Variants in RANBP2 observed in about 807,000 individuals in gnomAD.
RANBP2 encodes E3 SUMO-protein ligase RanBP2.
RANBP2 carries 57 observed loss-of-function variants against 303.6 expected under a neutral mutation model. The observed-to-expected ratio is 0.19, with a 90% CI of 0.15 to 0.23. The LOEUF (loss-of-function observed/expected upper bound fraction) is 0.23. Ranked by LOEUF, RANBP2 falls within the 10% of genes least tolerant of loss-of-function variation. The pLI, the probability that RANBP2 is intolerant of heterozygous loss-of-function variation, is 1.00. For synonymous variants in RANBP2, 1,167 were observed against 1,301.5 expected (o/e 0.90, Z 2.23); for missense variants, 3,138 against 3,780.8 (o/e 0.83, Z 4.46).
At chr2:109,385,046 G>A in the RANBP2 span, among the ~76,000 whole-genome samples, 7 of 152,320 alleles carry the variant, frequency 4.6e-5, no homozygotes, top group South Asian at 2.1e-4. Flanking sequence ...GGCCCTGATC[G>A]TTGTCCCGGC....
At chr2:109,062,847 C>T in the RANBP2 span, among the ~76,000 whole-genome samples, 7 of 151,300 alleles carry the variant, frequency 4.6e-5, no homozygotes, top group Non-Finnish European at 1.0e-4. Flanking sequence ...GTGTTGGGGG[C>T]CCTGGGAGCG....
chr2:108,861,883 GTATGT>G, the RANBP2 span, among the ~76,000 whole-genome samples: 4 of 152,132 alleles, frequency 2.6e-5, no homozygotes, highest in East Asian at 5.8e-4. Flanking sequence ...ACAGGTTTTG[GTATGT>G]TATATCTTGA....
At chr2:108,864,583 G>T in the RANBP2 span, among the ~76,000 whole-genome samples, 2 of 151,994 alleles carry the variant, frequency 1.3e-5, no homozygotes, top group Admixed American at 6.6e-5. Flanking sequence ...AGATCACGAG[G>T]TTAGGAGATC....
At chr2:109,679,176 C>CA in the RANBP2 span, among the ~76,000 whole-genome samples, 1 of 152,070 alleles carries the variant, frequency 6.6e-6, no homozygotes, top group African/African-American at 2.4e-5. Flanking sequence ...GCACAAAATG[C>CA]AAAAAATGTG....
chr2:109,397,266 C>T, the RANBP2 span, among the ~76,000 whole-genome samples: 2 of 151,734 alleles, frequency 1.3e-5, no homozygotes, highest in African/African-American at 4.9e-5. Flanking sequence ...GGGAGATCTG[C>T]CCAGAGGGCA....
At chr2:108,985,611 G>C in the RANBP2 span, among the ~76,000 whole-genome samples, 47 of 152,296 alleles carry the variant, frequency 3.1e-4, no homozygotes, top group South Asian at 8.5e-3. Flanking sequence ...ATCTGGGCAA[G>C]GAAGCAGGAC....
At chr2:108,752,914 G>A in intron 12 of RANBP2, 84 bp from the exon 13 acceptor site, 1 of 1,606,646 alleles carries the variant, frequency 6.2e-7, no homozygotes, top group Non-Finnish European at 8.5e-7. Context: ...TGAAATTTTA[G>A]CCAGTTCTTT....
the RANBP2 span, among the ~76,000 whole-genome samples, chr2:109,630,096 A>G: frequency 1.3e-5 from 2 of 152,204 alleles, no homozygotes; most frequent in Non-Finnish European, 2.9e-5. Context: ...TTTAGGAGAC[A>G]GGAGAAATTC....
chr2:109,638,600 A>G, the RANBP2 span, among the ~76,000 whole-genome samples: 1 of 152,238 alleles, frequency 6.6e-6, no homozygotes, highest in Admixed American at 6.5e-5. Flanking sequence ...TTAGCTTTCA[A>G]GCATGTGTCA....
the RANBP2 span, among the ~76,000 whole-genome samples, chr2:109,399,871 A>C: frequency 6.6e-6 from 1 of 152,172 alleles, no homozygotes; most frequent in Non-Finnish European, 1.5e-5. Flanking sequence ...ACTGTGGCAG[A>C]TGTCCATGGG....
chr2:109,508,486 G>T, the RANBP2 span, among the ~76,000 whole-genome samples: 1 of 152,260 alleles, frequency 6.6e-6, no homozygotes, highest in East Asian at 1.9e-4. Flanking sequence ...TCTTCCGAGG[G>T]CCACCATACC....
At chr2:109,248,150 A>G in the RANBP2 span, among the ~76,000 whole-genome samples, 12 of 152,158 alleles carry the variant, frequency 7.9e-5, no homozygotes, top group Non-Finnish European at 1.8e-4. Context: ...TTGATCTTTT[A>G]TATTAGGAGG....
At chr2:109,128,906 C>A in the RANBP2 span, 1 of 333,480 alleles carries the variant, frequency 3.0e-6, no homozygotes, top group South Asian at 2.1e-5. Flanking sequence ...TGCGCCCAAG[C>A]GAAGGGAAGT....
At chr2:109,441,531 TGAATG>T in the RANBP2 span, among the ~76,000 whole-genome samples, 1 of 152,062 alleles carries the variant, frequency 6.6e-6, no homozygotes, top group Non-Finnish European at 1.5e-5. Context: ...TTTTGAAAAA[TGAATG>T]GAATCCGTGA....
the RANBP2 span, chr2:108,816,028 GA>G: frequency 1.9e-6 from 3 of 1,613,756 alleles, no homozygotes; most frequent in Non-Finnish European, 2.5e-6. Flanking sequence ...GAAACATGAA[GA>G]ATCTGGAATG....
chr2:108,777,098 A>G (rs751937007), intron 24 of RANBP2, 32 bp from the exon 25 acceptor site: 3 of 1,579,894 alleles, frequency 1.9e-6, no homozygotes, highest in Non-Finnish European at 1.7e-6. Flanking sequence ...GCACAAATTA[A>G]ATAGTAAATT....
the RANBP2 span, among the ~76,000 whole-genome samples, chr2:109,516,923 G>T: frequency 1.3e-5 from 2 of 152,196 alleles, no homozygotes; most frequent in African/African-American, 2.4e-5. Flanking sequence ...AGGGTGGGCA[G>T]CATGGCCCCC....
intron 20 of RANBP2, among the ~76,000 whole-genome samples, chr2:108,768,812 C>G (rs1171662142): frequency 6.6e-6 from 1 of 152,076 alleles, no homozygotes; most frequent in African/African-American, 2.4e-5. Flanking sequence ...GTGGGCAGAT[C>G]ACTTGAGCTC....
chr2:109,259,757 A>G, the RANBP2 span, among the ~76,000 whole-genome samples: 4 of 152,212 alleles, frequency 2.6e-5, no homozygotes, highest in Admixed American at 2.6e-4. Flanking sequence ...GGCTTCACGT[A>G]GGTGCATGTG....
Sources: gnomAD v4.1 joint callset for allele counts (sites outside exome capture counted in the v4.1 genomes callset) on GRCh38, gnomAD v4.1.1 for gene constraint, MANE v1.5 for transcripts, NCBI Gene and HGNC (gene_info 2026-07-23, HGNC 2026-07-21) for gene names.